MBD3: variants seen among roughly 807,000 people sequenced by gnomAD.
MBD3 encodes methyl-CpG binding domain protein 3.
In MBD3, 13 loss-of-function variants were observed where a neutral mutation model predicts 31.2. The observed-to-expected ratio is 0.42, with a 90% CI of 0.27 to 0.66. MBD3 has a LOEUF of 0.66. Among genes scored for constraint, MBD3 ranks in the 30% least tolerant of loss-of-function variants. MBD3 has a pLI of 0.26. For missense variants in MBD3, 440 were observed against 426.5 expected, an observed-to-expected ratio of 1.03 and a Z score of -0.28; for synonymous variants, 223 against 187.4, an observed-to-expected ratio of 1.19 and a Z score of -1.55.
chr19:1,587,925 TGCCCCAGACGTCCTG>T (rs1361395575), intron 1 of MBD3, among the ~76,000 whole-genome samples: 2 of 152,226 alleles, frequency 1.3e-5, no homozygotes, highest in Non-Finnish European at 2.9e-5. Flanking sequence ...CTTCTGCCCC[TGCCCCAGACGTCCTG>T]GCCCATGGCA....
In MBD3 at chr19:1,585,454, G is replaced by A; in HGVS notation, c.111-240C>T. The A allele has an allele frequency of 1.9e-6, 1 of 534,256 alleles. No homozygotes were observed. Among genetic ancestry groups the A allele is most frequent in the Non-Finnish European group, 3.4e-6 (1 of 295,422 alleles). 33.1% of individuals were successfully genotyped at this position (534,256 alleles called of 1,614,324 possible). A position where few individuals can be genotyped will look rare whatever the true frequency, so the allele number is the denominator to read the frequency against. ...CACCCCACAACTGGCCCCTAGATCTGGGCGCCAGCCAGACCCAGAGCACTG... is the reference window on the plus strand; with the variant it reads ...CACCCCACAACTGGCCCCTAGATCTAGGCGCCAGCCAGACCCAGAGCACTG... On this transcript the variant is annotated intron_variant, in intron 1 of 6. Transcript: ENST00000434436. This position sits in a 1 kb window ranked among gnomAD's most constrained non-coding sequence, Gnocchi z 4.1.
chr19:1,591,334 G>GC (rs1245073381), intron 1 of MBD3, among the ~76,000 whole-genome samples: 1 of 152,168 alleles, frequency 6.6e-6, no homozygotes, highest in Non-Finnish European at 1.5e-5. Flanking sequence ...GCAGGACGAG[G>GC]CCCCACACAT....
At chr19:1,584,867 G>C in intron 2 of MBD3, 188 bp downstream of exon 2, 2 of 1,008,906 alleles carry the variant, frequency 2.0e-6, no homozygotes, top group Non-Finnish European at 2.7e-6. Flanking sequence ...CGCCCGCCGC[G>C]GGCCGCGTCC....
rs761418506 is a variant in MBD3, at chr19:1,575,985, G to A, written c.*2179C>T. On this transcript the variant is annotated 3_prime_UTR_variant, in exon 7 of 7. Transcript: ENST00000434436. ...ACAGGAAGCTGGGCTGCGACAGAGA[G>A]GGAGAGACAGCAAGAGACAGAGACA... The A allele has an allele frequency of 4.6e-5, 7 of 152,474 alleles. No homozygotes were observed. Among genetic ancestry groups the A allele is most frequent in the Admixed American group, 2.0e-4 (3 of 15,280 alleles). 9.4% of individuals were successfully genotyped at this position (152,474 alleles called of 1,614,324 possible).
In MBD3 at chr19:1,589,344, C is replaced by CAA. The variant is rs35111393; in HGVS notation, c.110+3176_110+3177dup. 3.7e-3 allele frequency among the ~76,000 whole-genome samples: 242 copies of CAA among 65,316 alleles called. 1 individual carries two copies. Among genetic ancestry groups the CAA allele is most frequent in the East Asian group, 0.01 (24 of 2,356 alleles). The allele number at this position is 65,316 out of a possible 152,430, so 42.8% of individuals were successfully genotyped here. A position where few individuals can be genotyped will look rare whatever the true frequency, so the allele number is the denominator to read the frequency against. On this transcript the variant is annotated intron_variant, in intron 1 of 6. Coordinates refer to ENST00000434436, the MANE Select transcript of MBD3 (RefSeq NM_001281453.2). ...GGGCAACAAGAACGAAACTCGGTCT[C>CAA]AAAAAAAAAAAAAAAAAAAAAAAAG...
chr19:1,591,719 A>C (rs932473490), intron 1 of MBD3, among the ~76,000 whole-genome samples: 1 of 151,704 alleles, frequency 6.6e-6, no homozygotes, highest in African/African-American at 2.4e-5. Flanking sequence ...AAAAGAGGAC[A>C]AACAGCAGGT....
At chr19:1,580,693 T>C (rs555096130) in intron 5 of MBD3, among the ~76,000 whole-genome samples, 5 of 152,320 alleles carry the variant, frequency 3.3e-5, no homozygotes, top group Admixed American at 3.3e-4. Context: ...CCGTGTTCCC[T>C]GCTGTTCGTT....
At chr19:1,581,570 C>A (rs1006776529) in intron 4 of MBD3, 5 of 475,342 alleles carry the variant, frequency 1.1e-5, no homozygotes, top group Non-Finnish European at 1.9e-5. Context: ...CAGTGAGACT[C>A]CTGTCTCTAC....
Position 1,581,846 on chromosome 19 carries a change from T to C in MBD3, c.500-577A>G, listed in dbSNP as rs557146439. ...GCAGTGGTGCGATCTCGGCTCACTG[T>C]AAGCTCCGCCTGCCAGGTTCACGCT... On this transcript the variant is annotated intron_variant, in intron 4 of 6. Transcript: ENST00000434436. The C allele has an allele frequency of 2.0e-4, 32 of 161,108 alleles. 1 individual carries two copies. The East Asian group carries it at 5.4e-3, about 27-fold the overall frequency. The allele number at this position is 161,108 out of a possible 1,614,324, so 10.0% of individuals were successfully genotyped here.
intron 5 of MBD3, among the ~76,000 whole-genome samples, chr19:1,580,560 G>T (rs539098135): frequency 2.6e-5 from 4 of 152,216 alleles, no homozygotes; most frequent in Non-Finnish European, 4.4e-5. Context: ...AGGCGCCTCC[G>T]TCACCAGGCG....
rs551472362 is a variant in MBD3 at position 1,575,508 on chromosome 19, G to A, written c.*2656C>T. On this transcript the variant is annotated 3_prime_UTR_variant, in exon 7 of 7. Coordinates refer to ENST00000434436, the MANE Select transcript of MBD3 (RefSeq NM_001281453.2). The stretch of plus-strand genomic sequence containing the variant: ...TGAGGATGGGGCCAGGCACCGCACA[G>A]GGCAGGCTGGTCATGAGGCCCCCAC... 76 of 235,734 alleles carry A rather than the reference G, an allele frequency of 3.2e-4. No individual in the cohort carries two copies. The highest frequency in any genetic ancestry group is 6.3e-4 in the Non-Finnish European group (72 of 114,094). The allele number at this position is 235,734 out of a possible 1,614,324, so 14.6% of individuals were successfully genotyped here.
In MBD3 at chr19:1,589,571, T is replaced by G. The variant is rs2060694665; in HGVS notation, c.110+2951A>C. On this transcript the variant is annotated intron_variant, in intron 1 of 6. Coordinates refer to ENST00000434436, the MANE Select transcript of MBD3 (RefSeq NM_001281453.2). ...AGGAGTCTGAGGCAGGAGAATCGCT[T>G]GAACTCAGGAGGTGGAGGCTGCAGT... Among the ~76,000 whole-genome samples, 6 of 152,110 alleles carry G rather than the reference T, an allele frequency of 3.9e-5. No individual in the cohort carries two copies. In the South Asian group the frequency reaches 1.2e-3, roughly 31 times the overall value.
At position 1,592,512 on chromosome 19, in the gene MBD3, G is replaced by T; in HGVS notation, c.110+10C>A. The stretch of plus-strand genomic sequence containing the variant: ...CGTTGAGGCCCTGCGCGGCCGGCGC[G>T]CTCATTCACCTATAGTAAAAGACAT... On this transcript the variant is annotated intron_variant, in intron 1 of 6. Transcript: ENST00000434436. 1 of 1,382,254 alleles carries T rather than the reference G, an allele frequency of 7.2e-7. No individual in the cohort carries two copies. The highest frequency in any genetic ancestry group is 9.6e-7 in the Non-Finnish European group (1 of 1,037,156). 85.6% of individuals were successfully genotyped at this position (1,382,254 alleles called of 1,614,324 possible).
Position 1,592,628 on chromosome 19 carries a change from C to A in MBD3, c.4G>T (p.Glu2Ter). 1.5e-6 allele frequency: 2 copies of A among 1,309,208 alleles called. No homozygotes were observed. Among genetic ancestry groups the A allele is most frequent in the Non-Finnish European group, 2.0e-6 (2 of 999,530 alleles). The allele number at this position is 1,309,208 out of a possible 1,614,324, so 81.1% of individuals were successfully genotyped here. A position where few individuals can be genotyped will look rare whatever the true frequency, so the allele number is the denominator to read the frequency against. The stretch of plus-strand genomic sequence containing the variant: ...GCCGGGCACTCCCACCTCTTCCGCT[C>A]CATTGCGCCCGGCTCCTCGGCCCGC... M[E>*]RKRWECPALP... Residue 2 changes from glutamate (E) to a stop codon, truncating the protein, a stop_gained, in exon 1 of 7, where the codon GAG (glutamate) becomes TAG (stop). Transcript: ENST00000434436. LOFTEE classifies it high-confidence loss of function.
In MBD3 at chr19:1,592,589, A is replaced by G; in HGVS notation, c.43T>C (p.Trp15Arg). The G allele has an allele frequency of 7.1e-7, 1 of 1,417,672 alleles. No individual in the cohort carries two copies. The highest frequency in any genetic ancestry group is 9.4e-7 in the Non-Finnish European group (1 of 1,061,734). The allele number at this position is 1,417,672 out of a possible 1,614,324, so 87.8% of individuals were successfully genotyped here. The change falls in exon 1 of 7, where the codon TGG becomes CGG. Residue 15 changes from tryptophan to arginine, a missense_variant. Coordinates refer to ENST00000434436, the MANE Select transcript of MBD3 (RefSeq NM_001281453.2). ...RWECPALPQG[W>R]EREEVPRRSG... ...CTTCTGGGCACTTCTTCCCTCTCCC[A>G]GCCCTGCGGGAGCGCCGGGCACTCC...
intron 5 of MBD3, among the ~76,000 whole-genome samples, chr19:1,579,799 A>T (rs1917307444): frequency 6.6e-6 from 1 of 151,990 alleles, no homozygotes; most frequent in African/African-American, 2.4e-5. Flanking sequence ...TTATTTTTTT[A>T]ACTCTGTCAC....
chr19:1,584,946 ACCT>A, intron 2 of MBD3, 106 bp downstream of exon 2: 1 of 1,459,384 alleles, frequency 6.9e-7, no homozygotes, highest in South Asian at 1.2e-5. Flanking sequence ...GCCCGCTGTG[ACCT>A]CCTGCGCTCA....
chr19:1,591,549 G>A (rs1051458573), intron 1 of MBD3, among the ~76,000 whole-genome samples: 1 of 152,110 alleles, frequency 6.6e-6, no homozygotes, highest in East Asian at 1.9e-4. Context: ...GGGACCAGCC[G>A]CACACCCCCC....
chr19:1,579,160 G>A (rs899945363), intron 5 of MBD3, among the ~76,000 whole-genome samples: 8 of 133,792 alleles, frequency 6.0e-5, no homozygotes, highest in Non-Finnish European at 1.1e-4. Flanking sequence ...CTCCAGCATG[G>A]GCAACAGAGC....
Sources: gnomAD v4.1 joint callset for allele counts (sites outside exome capture counted in the v4.1 genomes callset) on GRCh38, gnomAD v4.1.1 for gene constraint, Gnocchi (gnomAD v3.1) non-coding constraint, MANE v1.5 for transcripts, NCBI Gene and HGNC (gene_info 2026-07-23, HGNC 2026-07-21) for gene names.